C4orf51: variants seen among roughly 807,000 people sequenced by gnomAD.
The protein encoded by C4orf51 is chromosome 4 open reading frame 51, also known as uncharacterized protein C4orf51.
C4orf51 carries 25 observed loss-of-function variants against 25.2 expected under a neutral mutation model. The observed-to-expected ratio is 0.99, with a 90% CI of 0.72 to 1.39. The LOEUF (loss-of-function observed/expected upper bound fraction) is 1.39, where lower values mean the gene tolerates loss of function less well. Among genes scored for constraint, C4orf51 ranks in the 40% most tolerant of loss-of-function variants. The pLI is 0.00. For synonymous variants in C4orf51, 100 were observed against 84.5 expected, an observed-to-expected ratio of 1.18 and a Z score of -1.01; for missense variants, 252 against 239.6, an observed-to-expected ratio of 1.05 and a Z score of -0.34.
At chr4:145,775,672 G>A, downstream of C4orf51, 2 of 1,262,616 alleles carry the variant, frequency 1.6e-6, no homozygotes, top group Non-Finnish European at 2.2e-6. Flanking sequence ...CTCAAATGAA[G>A]GCCAGGCTAT....
At chr4:145,741,698 T>C (rs536876691) in intron 1 of C4orf51, among the ~76,000 whole-genome samples, 3 of 152,212 alleles carry the variant, frequency 2.0e-5, no homozygotes, top group Admixed American at 2.0e-4. Flanking sequence ...TTCTTTTCTT[T>C]TCTTTTTTAT....
intron 1 of C4orf51, among the ~76,000 whole-genome samples, chr4:145,770,033 C>T (rs1394409365): frequency 6.6e-6 from 1 of 152,186 alleles, no homozygotes; most frequent in Non-Finnish European, 1.5e-5. Flanking sequence ...TGCCGTGGCT[C>T]ACGCCTGTAA....
At chr4:145,768,912 T>A (rs1309164619) in intron 1 of C4orf51, among the ~76,000 whole-genome samples, 2 of 43,252 alleles carry the variant, frequency 4.6e-5, no homozygotes, top group Non-Finnish European at 4.6e-5. Flanking sequence ...TATATATATA[T>A]ATATTAGGTA....
intron 5 of C4orf51, among the ~76,000 whole-genome samples, chr4:145,730,245 T>C (rs373423567): frequency 3.9e-5 from 6 of 152,380 alleles, no homozygotes; most frequent in African/African-American, 1.2e-4. Context: ...TCTATTGTAC[T>C]GTCCAAATTT....
At chr4:145,749,061 GTGTGTA>G (rs1733531696) in intron 1 of C4orf51, among the ~76,000 whole-genome samples, 1 of 107,140 alleles carries the variant, frequency 9.3e-6, no homozygotes. Flanking sequence ...ATGTGTGTGT[GTGTGTA>G]TATATATATA....
chr4:145,751,988 G>C (rs1260348419), intron 1 of C4orf51, among the ~76,000 whole-genome samples: 2 of 152,130 alleles, frequency 1.3e-5, no homozygotes, highest in Non-Finnish European at 2.9e-5. Flanking sequence ...AAGGCCCAAG[G>C]GCTCTTCAGT....
At chr4:145,754,542 C>T (rs924495581), downstream of C4orf51, among the ~76,000 whole-genome samples, 1 of 152,198 alleles carries the variant, frequency 6.6e-6, no homozygotes, top group South Asian at 2.1e-4. Context: ...AAACCCCTAA[C>T]TCATCAAACC....
At chr4:145,781,228 G>GAAA in the C4orf51 span, among the ~76,000 whole-genome samples, 25 of 99,632 alleles carry the variant, frequency 2.5e-4, no homozygotes, top group African/African-American at 4.1e-4. Flanking sequence ...GAAAAAAAAA[G>GAAA]AAAAAAAAAA....
chr4:145,710,969 C>T (rs1185261984), intron 2 of C4orf51, among the ~76,000 whole-genome samples: 1 of 152,170 alleles, frequency 6.6e-6, no homozygotes, highest in Non-Finnish European at 1.5e-5. Context: ...TTCCTATTAT[C>T]TAAAGCTGGC....
chr4:145,765,731 G>C lies in C4orf51; in HGVS notation n.167-5257G>C, dbSNP rs1267728768. Reference sequence around the variant, plus strand: ...TATTTGATTCGCTGGGGGTCTTCCTGTCTTCCCCTGAAAAATAAGCAAATA... The same window carrying C: ...TATTTGATTCGCTGGGGGTCTTCCTCTCTTCCCCTGAAAAATAAGCAAATA... On this transcript the variant is annotated intron_variant and non_coding_transcript_variant, in intron 1 of 1. Transcript: ENST00000510096. The surrounding 1 kb of genome is among the most constrained non-coding windows in gnomAD (Gnocchi z 4.7). 6.2e-7 allele frequency: 1 copy of C among 1,613,142 alleles called. No homozygotes were observed.
In C4orf51 at chr4:145,762,972, C is replaced by T. The variant is rs933771845; in HGVS notation, n.167-8016C>T. ...AGTGCACCGTGCACGGCCTCCTCAG[C>T]GCCAAGCTCGCCGTTAGCCTTTGAA... On this transcript the variant is annotated intron_variant and non_coding_transcript_variant, in intron 1 of 1. Coordinates refer to the C4orf51 transcript ENST00000510096. The surrounding 1 kb of genome is among the most constrained non-coding windows in gnomAD (Gnocchi z 4.9). 24 of 1,004,630 alleles carry T rather than the reference C, an allele frequency of 2.4e-5. No individual in the cohort carries two copies. The highest frequency in any genetic ancestry group is 1.4e-4 in the Admixed American group (6 of 41,588). 62.2% of individuals were successfully genotyped at this position (1,004,630 alleles called of 1,614,324 possible).
intron 2 of C4orf51, among the ~76,000 whole-genome samples, chr4:145,710,821 C>T (rs903342075): frequency 6.6e-6 from 1 of 151,936 alleles, no homozygotes; most frequent in African/African-American, 2.4e-5. Flanking sequence ...GTAGGGAGCC[C>T]TCTCCTGTTC....
At chr4:145,691,701 G>C (rs760565590) in intron 1 of C4orf51, among the ~76,000 whole-genome samples, 1 of 152,154 alleles carries the variant, frequency 6.6e-6, no homozygotes, top group South Asian at 2.1e-4. Context: ...AACACAGCAT[G>C]TTCTCACTTA....
intron 2 of C4orf51, 87 bp from the exon 3 acceptor site, chr4:145,726,824 T>A: frequency 9.2e-7 from 1 of 1,081,714 alleles, no homozygotes; most frequent in Non-Finnish European, 1.4e-6. Flanking sequence ...GTGTGTACAA[T>A]TTGTGGTAAT....
Position 145,768,916 on chromosome 4 carries a change from T to TATATATATATATAA in C4orf51, n.167-2072_167-2071insATATATATATATAA, listed in dbSNP as rs34051922. On this transcript the variant is annotated intron_variant and non_coding_transcript_variant, in intron 1 of 1. Coordinates refer to the C4orf51 transcript ENST00000510096. ...ATATATATATATATATATATATATA[T>TATATATATATATAA]TAGGTATACAAAGTTTGGAAATAGA... 1.0e-3 allele frequency among the ~76,000 whole-genome samples: 36 copies of TATATATATATATAA among 34,414 alleles called. 2 individuals are homozygous for TATATATATATATAA. Among genetic ancestry groups the TATATATATATATAA allele is most frequent in the African/African-American group, 2.2e-3 (21 of 9,628 alleles). The allele number at this position is 34,414 out of a possible 152,430, so 22.6% of individuals were successfully genotyped here. A position where few individuals can be genotyped will look rare whatever the true frequency, so the allele number is the denominator to read the frequency against.
chr4:145,696,870 A>G (rs1578942748), intron 2 of C4orf51, among the ~76,000 whole-genome samples: 1 of 152,114 alleles, frequency 6.6e-6, no homozygotes, highest in Middle Eastern at 3.4e-3. Flanking sequence ...CATCTCTACC[A>G]AAAATACAAA....
intron 2 of C4orf51, among the ~76,000 whole-genome samples, chr4:145,715,963 G>GGAACTAAGAAGATAAACCAAAACTGT (rs1731387018): frequency 6.6e-6 from 1 of 152,032 alleles, no homozygotes; most frequent in Non-Finnish European, 1.5e-5. Context: ...AGTACACCAA[G>GGAACTAAGAAGATAAACCAAAACTGT]GAACTAAGAA....
downstream of C4orf51, chr4:145,775,962 TGGGGGAG>T: frequency 6.2e-7 from 1 of 1,614,022 alleles, no homozygotes; most frequent in Middle Eastern, 1.6e-4. Context: ...TTCTTTCCTC[TGGGGGAG>T]AAGGAACAGG....
chr4:145,733,107 C>T (rs1056783417), downstream of C4orf51, among the ~76,000 whole-genome samples: 7 of 152,098 alleles, frequency 4.6e-5, no homozygotes, highest in Non-Finnish European at 5.9e-5. Context: ...CGTCCCGGCT[C>T]CCTCGGTAGG....
Sources: allele counts gnomAD v4.1 joint callset (sites outside exome capture counted in the v4.1 genomes callset), GRCh38; gene constraint gnomAD v4.1.1; non-coding constraint Gnocchi (gnomAD v3.1); transcripts MANE v1.5; gene names NCBI Gene and HGNC (gene_info 2026-07-23, HGNC 2026-07-21).